The following NKAIN2 variants were observed in gnomAD, a reference collection of about 807,000 sequenced individuals.
NKAIN2 encodes the protein sodium/potassium-transporting ATPase subunit beta-1-interacting protein 2.
A neutral mutation model predicts 32.6 loss-of-function variants in NKAIN2; 14 were observed. That is an observed-to-expected ratio of 0.43 (90% CI 0.28 to 0.67). The LOEUF is 0.67. NKAIN2 is among the 30% of genes least tolerant of loss of function. The pLI, the probability that NKAIN2 is intolerant of heterozygous loss-of-function variation, is 0.17. For synonymous variants in NKAIN2, 80 were observed against 87.2 expected (o/e 0.92, Z 0.46); for missense variants, 198 against 258.3 (o/e 0.77, Z 1.60).
chr6:124,286,755 C>A (rs1795572950), intron 2 of NKAIN2, among the ~76,000 whole-genome samples: 1 of 151,868 alleles, frequency 6.6e-6, no homozygotes, highest in Non-Finnish European at 1.5e-5. Flanking sequence ...GGTCTCCGCT[C>A]ACTGCAAACT....
intron 3 of NKAIN2, among the ~76,000 whole-genome samples, chr6:124,358,912 C>T (rs1409019292): frequency 2.6e-5 from 4 of 151,200 alleles, no homozygotes; most frequent in African/African-American, 9.7e-5. Flanking sequence ...TTAGGTCTAA[C>T]ATTTAAGTCT....
rs1166217300 is a variant in NKAIN2, at chr6:123,803,881, G to A, written c.-320G>A. On this transcript the variant is annotated 5_prime_UTR_variant, in exon 1 of 7. Coordinates refer to ENST00000368417, the MANE Select transcript of NKAIN2 (RefSeq NM_001040214.3). ...TCGCGGGCCAGATGCCCGAGGGCGCGGCGGCGCTGCCAGGCTGCCGCTGCT... is the reference window on the plus strand; with the variant it reads ...TCGCGGGCCAGATGCCCGAGGGCGCAGCGGCGCTGCCAGGCTGCCGCTGCT... Among the ~76,000 whole-genome samples the A allele has an allele frequency of 6.8e-6, 1 of 147,846 alleles. No individual in the cohort carries two copies. Among genetic ancestry groups the A allele is most frequent in the African/African-American group, 2.4e-5 (1 of 40,988 alleles).
At chr6:124,814,391 A>C (rs930259434) in intron 5 of NKAIN2, among the ~76,000 whole-genome samples, 2 of 152,168 alleles carry the variant, frequency 1.3e-5, no homozygotes. Context: ...ATGCCCCCTC[A>C]TGAGTGAAAT....
At chr6:124,428,038 G>A (rs1221183504) in intron 3 of NKAIN2, among the ~76,000 whole-genome samples, 1 of 151,734 alleles carries the variant, frequency 6.6e-6, no homozygotes, top group South Asian at 2.1e-4. Flanking sequence ...TTTCCTTTTG[G>A]TCTGGGTTCT....
intron 3 of NKAIN2, among the ~76,000 whole-genome samples, chr6:124,555,002 T>C (rs1200358511): frequency 6.6e-6 from 1 of 152,194 alleles, no homozygotes; most frequent in Non-Finnish European, 1.5e-5. Context: ...TCTTGTTTCC[T>C]GCACTCCAGA....
chr6:124,708,299 G>C (rs2114592958), intron 4 of NKAIN2, among the ~76,000 whole-genome samples: 2 of 151,402 alleles, frequency 1.3e-5, no homozygotes, highest in Non-Finnish European at 1.5e-5. Context: ...TTGTTCTTTT[G>C]GCTTAGGATT....
intron 3 of NKAIN2, among the ~76,000 whole-genome samples, chr6:124,647,518 A>AAAG (rs1562303490): frequency 3.3e-5 from 5 of 150,960 alleles, no homozygotes; most frequent in Admixed American, 6.6e-5. Context: ...AAAAAAAAAA[A>AAAG]AAGACTTCAA....
chr6:124,236,176 T>G (rs1382231247), intron 1 of NKAIN2, among the ~76,000 whole-genome samples: 1 of 152,126 alleles, frequency 6.6e-6, no homozygotes, highest in Non-Finnish European at 1.5e-5. Context: ...TCAACAATTA[T>G]TAAATAATGT....
intron 3 of NKAIN2, among the ~76,000 whole-genome samples, chr6:124,394,777 A>G (rs2114430571): frequency 6.6e-6 from 1 of 152,184 alleles, no homozygotes; most frequent in South Asian, 2.1e-4. Flanking sequence ...AATATGCTTT[A>G]CTCAGTCTAT....
chr6:124,700,088 C>A (rs189019902), intron 4 of NKAIN2, among the ~76,000 whole-genome samples: 1 of 152,076 alleles, frequency 6.6e-6, no homozygotes, highest in Non-Finnish European at 1.5e-5. Flanking sequence ...GATGATTTAT[C>A]GATATATTTT....
intron 3 of NKAIN2, among the ~76,000 whole-genome samples, chr6:124,474,830 T>TTATA (rs1562207558): frequency 6.1e-5 from 9 of 147,292 alleles, no homozygotes; most frequent in East Asian, 3.9e-4. Flanking sequence ...CATATATATT[T>TTATA]TACATACATA....
At chr6:124,446,386 A>G (rs1203415937) in intron 3 of NKAIN2, among the ~76,000 whole-genome samples, 2 of 152,086 alleles carry the variant, frequency 1.3e-5, no homozygotes, top group Admixed American at 1.3e-4. Flanking sequence ...TCTGTTGCCC[A>G]GGCTGGAGTG....
intron 1 of NKAIN2, among the ~76,000 whole-genome samples, chr6:124,211,248 A>G (rs1056160170): frequency 6.6e-6 from 1 of 151,906 alleles, no homozygotes; most frequent in Admixed American, 6.6e-5. Context: ...ATATAATTTT[A>G]AAAAGATTAT....
intron 3 of NKAIN2, among the ~76,000 whole-genome samples, chr6:124,357,532 A>T (rs570005342): frequency 1.3e-5 from 2 of 152,308 alleles, no homozygotes; most frequent in South Asian, 2.1e-4. Context: ...ATCAGAAAAA[A>T]AAAAGCAATT....
chr6:124,631,892 A>C (rs1289655074), intron 3 of NKAIN2, among the ~76,000 whole-genome samples: 1 of 152,152 alleles, frequency 6.6e-6, no homozygotes, highest in Admixed American at 6.6e-5. Context: ...TTTCAAATAA[A>C]AACTCCGAAA....
chr6:124,743,955 T>A (rs1172813656), intron 4 of NKAIN2, among the ~76,000 whole-genome samples: 1 of 151,862 alleles, frequency 6.6e-6, no homozygotes, highest in East Asian at 1.9e-4. Flanking sequence ...ACCAAATTAT[T>A]AATTTCTAAT....
At chr6:124,066,488 C>T (rs1236994709) in intron 1 of NKAIN2, among the ~76,000 whole-genome samples, 1 of 152,084 alleles carries the variant, frequency 6.6e-6, no homozygotes, top group East Asian at 1.9e-4. Flanking sequence ...TTCCAGAAGG[C>T]ACTATAGAGT....
At chr6:124,453,322 A>ACACACAC (rs1776183191) in intron 3 of NKAIN2, among the ~76,000 whole-genome samples, 8 of 63,874 alleles carry the variant, frequency 1.3e-4, no homozygotes, top group African/African-American at 4.1e-4. Context: ...CATGCATATA[A>ACACACAC]ACACACACAC....
At chr6:123,903,085 T>G (rs1774682150) in intron 1 of NKAIN2, among the ~76,000 whole-genome samples, 2 of 152,238 alleles carry the variant, frequency 1.3e-5, no homozygotes, top group Non-Finnish European at 2.9e-5. Flanking sequence ...CAATGAATTA[T>G]GGGAAACTAC....
Sources: gnomAD v4.1 joint callset for allele counts (sites outside exome capture counted in the v4.1 genomes callset) on GRCh38, gnomAD v4.1.1 for gene constraint, MANE v1.5 for transcripts, NCBI Gene and HGNC (gene_info 2026-07-23, HGNC 2026-07-21) for gene names.